Variants in CHCHD6 observed in about 807,000 individuals in gnomAD.
The protein encoded by CHCHD6 is coiled-coil-helix-coiled-coil-helix domain containing 6.
A neutral mutation model predicts 32.3 loss-of-function variants in CHCHD6; 28 were observed. That is an observed-to-expected ratio of 0.87 (90% confidence interval 0.64 to 1.19). CHCHD6 has a LOEUF of 1.19. Ranked by LOEUF, CHCHD6 falls within the 50% of genes most tolerant of loss-of-function variation. The pLI, the probability that CHCHD6 is intolerant of heterozygous loss-of-function variation, is 0.00. For missense variants in CHCHD6, 333 were observed against 307.0 expected (o/e 1.08, Z -0.63); for synonymous variants, 122 against 117.5 (o/e 1.04, Z -0.25).
At chr3:126,707,064 A>G (rs1278197467) in intron 1 of CHCHD6, among the ~76,000 whole-genome samples, 1 of 152,026 alleles carries the variant, frequency 6.6e-6, no homozygotes, top group Non-Finnish European at 1.5e-5. Context: ...GTCAGGAGTT[A>G]AAGACCAGTC....
rs1198895449 is a variant in CHCHD6, at chr3:126,957,578, T to G, written c.702+27T>G. 2.6e-6 allele frequency: 4 copies of G among 1,552,374 alleles called. No individual in the cohort carries two copies. The East Asian group carries it at 7.3e-5, about 28-fold the overall frequency. On this transcript the variant is annotated intron_variant, in intron 7 of 7. Transcript: ENST00000290913. ...TAAGGCCTTGCCTGCCTCCCAGGTT[T>G]CCAAGGGCCTTGGGAGGTAGGCGAG...
At chr3:126,745,794 A>G (rs1936475862) in intron 4 of CHCHD6, among the ~76,000 whole-genome samples, 1 of 152,126 alleles carries the variant, frequency 6.6e-6, no homozygotes, top group Admixed American at 6.5e-5. Context: ...GTGCTTGGAG[A>G]GGAGATACAG....
At chr3:126,733,406 T>C (rs556101483) in intron 4 of CHCHD6, among the ~76,000 whole-genome samples, 184 bp downstream of exon 4, 4 of 152,252 alleles carry the variant, frequency 2.6e-5, no homozygotes, top group Non-Finnish European at 5.9e-5. Context: ...CTCCCAGCCC[T>C]GGCTCTGTCA....
rs578013458 is a variant in CHCHD6, at chr3:126,712,236, G to A, written c.87+7837G>A. 1.5e-3 allele frequency among the ~76,000 whole-genome samples: 225 copies of A among 152,326 alleles called. 5 individuals carry two copies. In the South Asian group the frequency reaches 0.04, roughly 27 times the overall value. On this transcript the variant is annotated intron_variant, in intron 1 of 7. Transcript: ENST00000290913. ...ACAACCACACTGTACTTTAGGTGCA[G>A]AAGGAATCACTCTCAAGGGTTTAGT...
chr3:126,903,642 CAAGG>C (rs1485674800), intron 5 of CHCHD6, among the ~76,000 whole-genome samples: 2 of 152,176 alleles, frequency 1.3e-5, no homozygotes, highest in African/African-American at 2.4e-5. Context: ...CCAGCAGCAC[CAAGG>C]CAGGGCTGGC....
intron 5 of CHCHD6, among the ~76,000 whole-genome samples, chr3:126,870,448 A>G (rs950679622): frequency 6.6e-6 from 1 of 152,132 alleles, no homozygotes; most frequent in African/African-American, 2.4e-5. Context: ...CCGTTCTCCC[A>G]GTTCTTTCAG....
intron 4 of CHCHD6, among the ~76,000 whole-genome samples, chr3:126,762,130 A>G (rs556710194): frequency 1.3e-5 from 2 of 152,146 alleles, no homozygotes; most frequent in Non-Finnish European, 1.5e-5. Flanking sequence ...TTGTTTTTCT[A>G]TTCTCTGCTT....
intron 6 of CHCHD6, among the ~76,000 whole-genome samples, chr3:126,934,904 C>T (rs934718533): frequency 6.6e-6 from 1 of 152,120 alleles, no homozygotes; most frequent in Non-Finnish European, 1.5e-5. Flanking sequence ...AAATTAACAC[C>T]TACTTCAGAT....
At chr3:126,782,063 A>G (rs1937970259) in intron 4 of CHCHD6, among the ~76,000 whole-genome samples, 1 of 152,140 alleles carries the variant, frequency 6.6e-6, no homozygotes. Context: ...TGGTGGTGGT[A>G]GTCATTCGTG....
intron 5 of CHCHD6, among the ~76,000 whole-genome samples, chr3:126,871,220 A>G: frequency 6.6e-6 from 1 of 152,162 alleles, no homozygotes; most frequent in Admixed American, 6.5e-5. Context: ...TCACCCCAGT[A>G]TGGGCCTATC....
At chr3:126,901,130 A>G (rs1057056415) in intron 5 of CHCHD6, among the ~76,000 whole-genome samples, 17 of 152,204 alleles carry the variant, frequency 1.1e-4, no homozygotes, top group African/African-American at 4.1e-4. Flanking sequence ...ACAGCTTCAC[A>G]GGGGCAAGTG....
intron 4 of CHCHD6, among the ~76,000 whole-genome samples, chr3:126,738,899 A>T (rs1936171858): frequency 6.6e-6 from 1 of 152,240 alleles, no homozygotes; most frequent in Admixed American, 6.5e-5. Context: ...CTTTAGGTTT[A>T]TCTTTCTTAG....
chr3:126,705,347 T>A (rs1266053603), intron 1 of CHCHD6, among the ~76,000 whole-genome samples: 1 of 152,198 alleles, frequency 6.6e-6, no homozygotes, highest in Non-Finnish European at 1.5e-5. Flanking sequence ...TTGAAGACTG[T>A]CCCCAGAACC....
chr3:126,872,354 T>C (rs1463783944), intron 5 of CHCHD6, among the ~76,000 whole-genome samples: 2 of 152,112 alleles, frequency 1.3e-5, no homozygotes, highest in Non-Finnish European at 2.9e-5. Flanking sequence ...TGAGCAACAT[T>C]GTGAAACTCT....
intron 5 of CHCHD6, among the ~76,000 whole-genome samples, chr3:126,854,413 A>G (rs868809523): frequency 6.6e-6 from 1 of 152,134 alleles, no homozygotes; most frequent in Middle Eastern, 3.4e-3. Context: ...GGTGTGGGAG[A>G]TAGGAGGATT....
intron 5 of CHCHD6, among the ~76,000 whole-genome samples, chr3:126,897,380 G>A (rs2077856206): frequency 6.6e-6 from 1 of 152,176 alleles, no homozygotes; most frequent in Admixed American, 6.5e-5. Flanking sequence ...GTGATGCTGT[G>A]GGTTAATGTG....
At chr3:126,878,677 TCA>T (rs1346878409) in intron 5 of CHCHD6, among the ~76,000 whole-genome samples, 1 of 152,224 alleles carries the variant, frequency 6.6e-6, no homozygotes. Context: ...CGTAATTAAT[TCA>T]GGCAAAAATC....
In CHCHD6 at chr3:126,737,390, GTATATATATATATA is replaced by G. The variant is rs60896630; in HGVS notation, c.411+4184_411+4197del. 4.1e-4 allele frequency among the ~76,000 whole-genome samples: 55 copies of G among 132,636 alleles called. 1 individual carries two copies. The highest frequency in any genetic ancestry group is 2.8e-3 in the Admixed American group (36 of 13,090). 87.0% of individuals were successfully genotyped at this position (132,636 alleles called of 152,430 possible). A position where few individuals can be genotyped will look rare whatever the true frequency, so the allele number is the denominator to read the frequency against. ...TCTTTTATTATTTTATGATGTGTGA[GTATATATATATATA>G]TATATATATATATATGCACACAAAT... On this transcript the variant is annotated intron_variant, in intron 4 of 7. Transcript: ENST00000290913.
intron 4 of CHCHD6, among the ~76,000 whole-genome samples, chr3:126,753,022 T>A (rs928370875): frequency 3.3e-5 from 5 of 152,160 alleles, no homozygotes; most frequent in Non-Finnish European, 7.4e-5. Context: ...CTTCCCCAGC[T>A]GGCAGAGGGG....
Sources: allele counts gnomAD v4.1 joint callset (sites outside exome capture counted in the v4.1 genomes callset), GRCh38; gene constraint gnomAD v4.1.1; transcripts MANE v1.5; gene names NCBI Gene and HGNC (gene_info 2026-07-23, HGNC 2026-07-21).